Variants in TSPAN18 observed in about 807,000 individuals in gnomAD.
The protein encoded by TSPAN18 is tetraspanin-18.
TSPAN18 carries 14 observed loss-of-function variants against 27.3 expected under a neutral mutation model. The ratio of observed to expected loss-of-function variants is 0.51; its 90% CI spans 0.34 to 0.80. The LOEUF (loss-of-function observed/expected upper bound fraction) is 0.80. Among genes scored for constraint, TSPAN18 ranks in the 30% least tolerant of loss-of-function variants. TSPAN18 has a pLI of 0.01. For synonymous variants in TSPAN18, 143 were observed against 136.5 expected (o/e 1.05, Z -0.33); for missense variants, 268 against 323.9 (o/e 0.83, Z 1.32).
intron 8 of TSPAN18, among the ~76,000 whole-genome samples, chr11:44,924,515 C>T (rs1032997066): frequency 6.6e-6 from 1 of 152,084 alleles, no homozygotes; most frequent in African/African-American, 2.4e-5. Flanking sequence ...GGAAACCCCT[C>T]AAAGAGTTCA....
intron 3 of TSPAN18, among the ~76,000 whole-genome samples, chr11:44,894,478 G>A (rs190100454): frequency 6.6e-6 from 1 of 152,242 alleles, no homozygotes; most frequent in African/African-American, 2.4e-5. Context: ...GGGCGGGGGG[G>A]AGTGAAAGTA....
At chr11:44,861,496 G>A (rs1299932452) in intron 3 of TSPAN18, among the ~76,000 whole-genome samples, 1 of 144,214 alleles carries the variant, frequency 6.9e-6, no homozygotes, top group Non-Finnish European at 1.5e-5. Flanking sequence ...GTGGTTGGGG[G>A]TGGTGTGGTG....
At chr11:44,761,763 C>A (rs1432305313) in intron 1 of TSPAN18, among the ~76,000 whole-genome samples, 5 of 152,228 alleles carry the variant, frequency 3.3e-5, no homozygotes, top group Non-Finnish European at 7.3e-5. Flanking sequence ...GACACTAATA[C>A]GTGTTCCGTG....
intron 1 of TSPAN18, among the ~76,000 whole-genome samples, chr11:44,749,487 G>A (rs1484347649): frequency 6.6e-6 from 1 of 152,194 alleles, no homozygotes; most frequent in Non-Finnish European, 1.5e-5. Flanking sequence ...ATTGCACAAG[G>A]GTCATCATGA....
intron 3 of TSPAN18, chr11:44,885,779 C>T (rs901175387): frequency 6.6e-6 from 1 of 152,196 alleles, no homozygotes; most frequent in Middle Eastern, 3.1e-3. Flanking sequence ...CTCTGTCTTC[C>T]GGTTGTTCAC....
At chr11:44,734,827 C>T (rs1854750239) in intron 1 of TSPAN18, among the ~76,000 whole-genome samples, 1 of 152,194 alleles carries the variant, frequency 6.6e-6, no homozygotes, top group South Asian at 2.1e-4. Context: ...GGACAGATTG[C>T]AGCGTGCTCT....
At chr11:44,797,204 A>G (rs1207954615) in intron 2 of TSPAN18, among the ~76,000 whole-genome samples, 5 of 152,200 alleles carry the variant, frequency 3.3e-5, no homozygotes, top group African/African-American at 1.2e-4. Flanking sequence ...GAGGCAGACA[A>G]AGCAAAGACT....
chr11:44,869,359 C>CA (rs902485536), intron 3 of TSPAN18, among the ~76,000 whole-genome samples: 1 of 152,200 alleles, frequency 6.6e-6, no homozygotes, highest in African/African-American at 2.4e-5. Context: ...TGACCTCAGA[C>CA]AAGTGACTTA....
chr11:44,806,816 C>T (rs757941476), intron 2 of TSPAN18, among the ~76,000 whole-genome samples: 4 of 152,116 alleles, frequency 2.6e-5, no homozygotes, highest in Non-Finnish European at 4.4e-5. Context: ...CGAGCTGGTT[C>T]CTTCAACACC....
chr11:44,845,848 C>T (rs2135176171), intron 2 of TSPAN18, among the ~76,000 whole-genome samples: 1 of 152,312 alleles, frequency 6.6e-6, no homozygotes, highest in East Asian at 1.9e-4. Flanking sequence ...TGTGCTATTT[C>T]CACCTGGTAG....
At chr11:44,800,006 G>GTTTTTTTTTTTTTTT (rs60067559) in intron 2 of TSPAN18, among the ~76,000 whole-genome samples, 6 of 109,398 alleles carry the variant, frequency 5.5e-5, no homozygotes, top group Non-Finnish European at 8.9e-5. Context: ...AATTTTTTGT[G>GTTTTTTTTTTTTTTT]TTTTTTTTTT....
At chr11:44,898,605 G>T (rs1410845052) in intron 3 of TSPAN18, among the ~76,000 whole-genome samples, 1 of 152,244 alleles carries the variant, frequency 6.6e-6, no homozygotes, top group Non-Finnish European at 1.5e-5. Flanking sequence ...AGCTGCACCT[G>T]ATGAAGGCCA....
intron 1 of TSPAN18, among the ~76,000 whole-genome samples, chr11:44,750,485 T>A (rs2134853211): frequency 6.6e-6 from 1 of 152,306 alleles, no homozygotes; most frequent in African/African-American, 2.4e-5. Context: ...AATAAATGAA[T>A]AAAAATTGTG....
intron 3 of TSPAN18, among the ~76,000 whole-genome samples, chr11:44,878,602 G>T (rs1012217964): frequency 2.0e-5 from 3 of 152,146 alleles, no homozygotes; most frequent in African/African-American, 4.8e-5. Flanking sequence ...GAACCAGAGG[G>T]TATACAAAGT....
intron 2 of TSPAN18, among the ~76,000 whole-genome samples, chr11:44,780,188 C>T (rs1454909175): frequency 1.3e-5 from 2 of 152,054 alleles, no homozygotes; most frequent in Admixed American, 1.3e-4. Context: ...CCTGCCTCTC[C>T]CCCACTGTAT....
chr11:44,885,065 G>C (rs1044120253), intron 3 of TSPAN18, among the ~76,000 whole-genome samples: 1 of 152,214 alleles, frequency 6.6e-6, no homozygotes, highest in South Asian at 2.1e-4. Context: ...TCAACCCAAA[G>C]GAGATCTGGG....
chr11:44,757,269 T>C (rs1855353700), intron 1 of TSPAN18, among the ~76,000 whole-genome samples: 1 of 151,348 alleles, frequency 6.6e-6, no homozygotes. Context: ...TATTTTTTAT[T>C]TTTTATTTTT....
chr11:44,795,995 T>C (rs1250959477), intron 2 of TSPAN18, among the ~76,000 whole-genome samples: 5 of 152,084 alleles, frequency 3.3e-5, no homozygotes. Flanking sequence ...GTGAATGCAC[T>C]TTCTATTCCT....
Position 44,929,264 on chromosome 11 carries a change from T to C in TSPAN18, c.*86T>C. 30 of 1,550,192 alleles carry C rather than the reference T, an allele frequency of 1.9e-5. No individual in the cohort carries two copies. The highest frequency in any genetic ancestry group is 2.7e-5 in the Non-Finnish European group (30 of 1,128,700). ...TCCCGTGCCCCTCCCCGCTGTCCTC[T>C]TGGCCCCAGGGGAGAAGATGAGGCC... is the stretch of plus-strand genomic sequence containing the variant. On this transcript the variant is annotated 3_prime_UTR_variant, in exon 10 of 10. Transcript: ENST00000520358.
Sources: allele counts gnomAD v4.1 joint callset (sites outside exome capture counted in the v4.1 genomes callset), GRCh38; gene constraint gnomAD v4.1.1; transcripts MANE v1.5; gene names NCBI Gene and HGNC (gene_info 2026-07-23, HGNC 2026-07-21).